Variants in SPAG16 observed in about 807,000 individuals in gnomAD.
SPAG16 encodes the protein sperm associated antigen 16.
In SPAG16, 86 loss-of-function variants were observed where a neutral mutation model predicts 80.4. The observed-to-expected ratio is 1.07, with a 90% CI of 0.90 to 1.28. The LOEUF is 1.28. SPAG16 is among the 50% of genes most tolerant of loss of function. The pLI is 0.00. For synonymous variants in SPAG16, 294 were observed against 265.9 expected (o/e 1.11, Z -1.03); for missense variants, 870 against 765.3 (o/e 1.14, Z -1.61).
At chr2:213,567,590 C>G (rs1404009928) in intron 10 of SPAG16, among the ~76,000 whole-genome samples, 1 of 90,508 alleles carries the variant, frequency 1.1e-5, no homozygotes, top group East Asian at 3.0e-4. Flanking sequence ...GCATAGTATT[C>G]CATGGTGTAT....
chr2:213,710,750 T>C (rs1255074318), intron 10 of SPAG16, among the ~76,000 whole-genome samples: 4 of 152,222 alleles, frequency 2.6e-5, no homozygotes, highest in Non-Finnish European at 4.4e-5. Context: ...CATACCATTG[T>C]TGTTAGGAGT....
rs779447339 is a variant in SPAG16 at position 213,930,035 on chromosome 2, G to A, written c.1290G>A (p.Leu430=). The A allele has an allele frequency of 1.9e-6, 3 of 1,613,992 alleles. No individual in the cohort carries two copies. The highest frequency in any genetic ancestry group is 2.7e-5 in the African/African-American group (2 of 74,904). ...ATCTATGTAAAGGCGATTGCATTTT[G>A]ACCTTTGAAGGACACAGCCGCGCAG... is the stretch of plus-strand genomic sequence containing the variant. ...LWDLCKGDCI[L]TFEGHSRAVW... Residue 430 remains leucine, a synonymous_variant, in exon 12 of 16, where the codon TTG becomes TTA. Coordinates refer to ENST00000331683, the MANE Select transcript of SPAG16 (RefSeq NM_024532.5).
chr2:214,010,081 T>C (rs1177663620), intron 12 of SPAG16, among the ~76,000 whole-genome samples: 1 of 145,658 alleles, frequency 6.9e-6, no homozygotes, highest in East Asian at 1.9e-4. Flanking sequence ...TAAATTGTTT[T>C]TATATAATAA....
intron 15 of SPAG16, among the ~76,000 whole-genome samples, chr2:214,204,295 C>T (rs1380532479): frequency 2.0e-5 from 3 of 152,214 alleles, no homozygotes; most frequent in Admixed American, 6.5e-5. Context: ...TATGGCCCTG[C>T]CCACCACCTG....
In SPAG16 at chr2:214,229,910, G is replaced by A. The variant is rs1330580053; in HGVS notation, c.1720+80644G>A. On this transcript the variant is annotated intron_variant, in intron 15 of 15. Transcript: ENST00000331683. ...TCATAACAAGTGTCAGCAAAATGCAGCACAGTAATGTTAAACTATTCTATT... is the reference window on the plus strand; with the variant it reads ...TCATAACAAGTGTCAGCAAAATGCAACACAGTAATGTTAAACTATTCTATT... Among the ~76,000 whole-genome samples, 3 of 151,978 alleles carry A rather than the reference G, an allele frequency of 2.0e-5. No homozygotes were observed. The East Asian group carries it at 5.8e-4, about 29-fold the overall frequency.
At chr2:213,386,785 GT>G in intron 9 of SPAG16, among the ~76,000 whole-genome samples, 1 of 152,066 alleles carries the variant, frequency 6.6e-6, no homozygotes, top group Non-Finnish European at 1.5e-5. Context: ...TCTTCTGAAA[GT>G]TTTTTAGCCA....
chr2:213,737,208 A>T (rs1169037157), intron 10 of SPAG16, among the ~76,000 whole-genome samples: 2 of 152,198 alleles, frequency 1.3e-5, no homozygotes, highest in Admixed American at 1.3e-4. Flanking sequence ...TATGATATAC[A>T]ACAAAACTTA....
At chr2:214,001,203 A>G (rs1434062595) in intron 12 of SPAG16, among the ~76,000 whole-genome samples, 1 of 152,232 alleles carries the variant, frequency 6.6e-6, no homozygotes, top group Non-Finnish European at 1.5e-5. Context: ...ACAGTTAACA[A>G]TGAAGTTATT....
chr2:213,690,178 T>G (rs1403544643), intron 10 of SPAG16, among the ~76,000 whole-genome samples: 1 of 150,022 alleles, frequency 6.7e-6, no homozygotes, highest in African/African-American at 2.5e-5. Flanking sequence ...TTTGCCTCGT[T>G]AACAAACTCC....
At chr2:214,328,013 C>T (rs1444955105) in intron 15 of SPAG16, among the ~76,000 whole-genome samples, 2 of 151,996 alleles carry the variant, frequency 1.3e-5, no homozygotes, top group Non-Finnish European at 2.9e-5. Flanking sequence ...TGTGTATGTT[C>T]CTAGAGGCTC....
At chr2:213,440,849 A>G (rs1331860166) in intron 9 of SPAG16, among the ~76,000 whole-genome samples, 1 of 152,220 alleles carries the variant, frequency 6.6e-6, no homozygotes, top group East Asian at 1.9e-4. Context: ...AGGATTTCCT[A>G]AGCAGATAAT....
chr2:214,042,007 TACACACACAC>T (rs78420814), intron 13 of SPAG16, among the ~76,000 whole-genome samples: 2 of 101,242 alleles, frequency 2.0e-5, no homozygotes, highest in Non-Finnish European at 3.8e-5. Flanking sequence ...TATATATATA[TACACACACAC>T]ACAAATATAT....
intron 15 of SPAG16, among the ~76,000 whole-genome samples, chr2:214,319,223 C>CACACACACACAA (rs1352747000): frequency 1.3e-5 from 2 of 151,098 alleles, no homozygotes; most frequent in African/African-American, 4.9e-5. Context: ...CACACACACA[C>CACACACACACAA]AAGAAGTGTA....
chr2:214,351,720 A>AAAC (rs1698421103), intron 15 of SPAG16, among the ~76,000 whole-genome samples: 1 of 141,220 alleles, frequency 7.1e-6, no homozygotes, highest in African/African-American at 2.6e-5. Context: ...ACAAACAAAC[A>AAAC]AAAAAAACAA....
intron 15 of SPAG16, among the ~76,000 whole-genome samples, chr2:214,285,981 T>C (rs1288577781): frequency 2.6e-5 from 4 of 152,176 alleles, no homozygotes; most frequent in Admixed American, 2.0e-4. Flanking sequence ...TTTCTTCTAG[T>C]AGTTTTATGA....
intron 7 of SPAG16, among the ~76,000 whole-genome samples, chr2:213,360,037 T>C (rs1241228809): frequency 1.3e-5 from 2 of 152,232 alleles, no homozygotes; most frequent in African/African-American, 4.8e-5. Context: ...AGCTTTTCTC[T>C]CTCAACCAAA....
intron 10 of SPAG16, among the ~76,000 whole-genome samples, chr2:213,609,918 C>T (rs1005362292): frequency 6.6e-6 from 1 of 152,034 alleles, no homozygotes; most frequent in Non-Finnish European, 1.5e-5. Context: ...CATAATCCAG[C>T]CAATGTAATC....
At chr2:213,584,641 T>C (rs972008030) in intron 10 of SPAG16, among the ~76,000 whole-genome samples, 1 of 150,742 alleles carries the variant, frequency 6.6e-6, no homozygotes, top group African/African-American at 2.4e-5. Context: ...GAAGGAAGGA[T>C]GAACGGACAG....
chr2:213,382,852 A>G (rs953681823), intron 9 of SPAG16, among the ~76,000 whole-genome samples: 8 of 152,168 alleles, frequency 5.3e-5, no homozygotes, highest in Admixed American at 4.6e-4. Context: ...GACAGAGAAT[A>G]GGGGAGTTTA....
Sources: allele counts gnomAD v4.1 joint callset (sites outside exome capture counted in the v4.1 genomes callset), GRCh38; gene constraint gnomAD v4.1.1; transcripts MANE v1.5; gene names NCBI Gene and HGNC (gene_info 2026-07-23, HGNC 2026-07-21).